The following RBFOX1 variants were observed in gnomAD, a reference collection of about 807,000 sequenced individuals.
RBFOX1 encodes RNA binding fox-1 homolog 1.
Under a neutral mutation model 57.7 loss-of-function variants are expected in RBFOX1, and 8 were observed. The observed-to-expected ratio is 0.14, with a 90% CI of 0.08 to 0.25. The LOEUF (loss-of-function observed/expected upper bound fraction) is 0.25, where lower values mean the gene tolerates loss of function less well. Among genes scored for constraint, RBFOX1 ranks in the 10% least tolerant of loss-of-function variants. The pLI is 1.00. For synonymous variants in RBFOX1, 326 were observed against 222.4 expected, an observed-to-expected ratio of 1.47 and a Z score of -4.15; for missense variants, 611 against 548.5, an observed-to-expected ratio of 1.11 and a Z score of -1.14.
intron 1 of RBFOX1, among the ~76,000 whole-genome samples, chr16:6,255,498 A>AT (rs2097655132): frequency 6.6e-6 from 1 of 152,094 alleles, no homozygotes. Context: ...ATGCATGGTG[A>AT]TTTTGACTAT....
In RBFOX1 at chr16:6,863,670, TAAAA is replaced by T. The variant is rs71408411; in HGVS notation, c.-15-188377_-15-188374del. On this transcript the variant is annotated intron_variant, in intron 3 of 15. Coordinates refer to ENST00000550418, the MANE Select transcript of RBFOX1 (RefSeq NM_018723.4). ...CCAAGGTTCTGTTTTTTTTTTTCCTTAAAAAAAAAAAAAGAAAAAAAGAAATGAC... is the reference window on the plus strand; with the variant it reads ...CCAAGGTTCTGTTTTTTTTTTTCCTTAAAAAAAAAGAAAAAAAGAAATGAC... 1.7e-4 allele frequency among the ~76,000 whole-genome samples: 18 copies of T among 105,560 alleles called. No individual in the cohort carries two copies. In the South Asian group the frequency reaches 6.7e-3, roughly 39 times the overall value. The allele number at this position is 105,560 out of a possible 152,430, so 69.3% of individuals were successfully genotyped here.
intron 1 of RBFOX1, among the ~76,000 whole-genome samples, chr16:6,104,776 A>G (rs991029552): frequency 6.6e-6 from 1 of 152,230 alleles, no homozygotes; most frequent in Non-Finnish European, 1.5e-5. Context: ...AAGCTACACC[A>G]CATAGATGAA....
chr16:6,296,387 T>C (rs953178722), intron 1 of RBFOX1, among the ~76,000 whole-genome samples: 5 of 151,852 alleles, frequency 3.3e-5, no homozygotes, highest in Admixed American at 1.3e-4. Flanking sequence ...TTTCACCTCA[T>C]AGGTGGCTGT....
At chr16:7,135,343 T>C (rs766459365) in intron 4 of RBFOX1, among the ~76,000 whole-genome samples, 28 of 152,320 alleles carry the variant, frequency 1.8e-4, no homozygotes, top group Middle Eastern at 3.4e-3. Context: ...GTCAGCACTT[T>C]GCAGAAAGAA....
At chr16:5,534,641 G>A (rs576437907) in intron 2 of RBFOX1, among the ~76,000 whole-genome samples, 1 of 152,268 alleles carries the variant, frequency 6.6e-6, no homozygotes, top group African/African-American at 2.4e-5. Context: ...TTAGCATGCT[G>A]GCATCCGATT....
chr16:6,366,210 G>T (rs185365474), intron 2 of RBFOX1, among the ~76,000 whole-genome samples: 2 of 152,002 alleles, frequency 1.3e-5, no homozygotes, highest in East Asian at 3.9e-4. Context: ...TCTGGAAGAT[G>T]CATCTTGCTG....
chr16:5,400,651 A>G (rs2066689887), intron 1 of RBFOX1, among the ~76,000 whole-genome samples: 1 of 151,416 alleles, frequency 6.6e-6, no homozygotes, highest in South Asian at 2.1e-4. Flanking sequence ...TTCCCCTTCC[A>G]GTTGGGCATG....
At chr16:6,784,759 G>C (rs1000712435) in intron 3 of RBFOX1, among the ~76,000 whole-genome samples, 1 of 151,852 alleles carries the variant, frequency 6.6e-6, no homozygotes, top group Non-Finnish European at 1.5e-5. Flanking sequence ...TCCTGTGGTC[G>C]GGGGTTGTGG....
chr16:7,148,401 T>C (rs2075453583), intron 4 of RBFOX1, among the ~76,000 whole-genome samples: 1 of 152,216 alleles, frequency 6.6e-6, no homozygotes, highest in South Asian at 2.1e-4. Flanking sequence ...ACTCCCCTCT[T>C]TTGAATTTTC....
chr16:6,485,938 G>C (rs950917604), intron 2 of RBFOX1, among the ~76,000 whole-genome samples: 3 of 151,622 alleles, frequency 2.0e-5, no homozygotes, highest in Admixed American at 6.6e-5. Context: ...GGTAATTGAA[G>C]TACAACAAAA....
At chr16:7,109,628 T>TTTCCC (rs1401209078) in intron 4 of RBFOX1, among the ~76,000 whole-genome samples, 5 of 152,114 alleles carry the variant, frequency 3.3e-5, no homozygotes, top group Non-Finnish European at 7.3e-5. Flanking sequence ...GGGAAAGGGC[T>TTTCCC]CTAAGAGTAG....
At chr16:6,207,388 T>C (rs2097262480) in intron 1 of RBFOX1, among the ~76,000 whole-genome samples, 1 of 152,192 alleles carries the variant, frequency 6.6e-6, no homozygotes, top group South Asian at 2.1e-4. Flanking sequence ...CTCTGCATAA[T>C]TCAGAAGCTA....
intron 1 of RBFOX1, among the ~76,000 whole-genome samples, chr16:6,027,775 G>A (rs2095223617): frequency 6.6e-6 from 1 of 152,158 alleles, no homozygotes; most frequent in Admixed American, 6.5e-5. Context: ...GTCCCAGAAT[G>A]TGCTTCGTAT....
At chr16:7,208,205 C>G (rs2090389420) in intron 4 of RBFOX1, among the ~76,000 whole-genome samples, 1 of 152,142 alleles carries the variant, frequency 6.6e-6, no homozygotes. Context: ...AATTATGTCA[C>G]CATCTATAAT....
chr16:6,422,477 T>C (rs2093803191), intron 2 of RBFOX1, among the ~76,000 whole-genome samples: 1 of 152,040 alleles, frequency 6.6e-6, no homozygotes, highest in Non-Finnish European at 1.5e-5. Flanking sequence ...ATTAGTCCAT[T>C]CTCACACTGC....
chr16:5,254,940 G>T, intron 1 of RBFOX1, among the ~76,000 whole-genome samples: 2 of 152,278 alleles, frequency 1.3e-5, no homozygotes, highest in Middle Eastern at 6.8e-3. Flanking sequence ...CCACTGTTGG[G>T]GAAGTCTTGA....
At chr16:6,335,362 G>T (rs950181116) in intron 2 of RBFOX1, among the ~76,000 whole-genome samples, 2 of 152,206 alleles carry the variant, frequency 1.3e-5, no homozygotes, top group Non-Finnish European at 1.5e-5. Flanking sequence ...AAACAAATAC[G>T]TCCTCAGAGA....
intron 2 of RBFOX1, among the ~76,000 whole-genome samples, chr16:6,609,803 G>T (rs1230146082): frequency 6.6e-6 from 1 of 152,028 alleles, no homozygotes; most frequent in East Asian, 1.9e-4. Context: ...AGGTCAAAAG[G>T]TCAAGACCAT....
At chr16:7,034,827 C>CTTTTTTTTTTTCTTTTTTATT (rs2043824001) in intron 3 of RBFOX1, among the ~76,000 whole-genome samples, 1 of 54,114 alleles carries the variant, frequency 1.8e-5, no homozygotes, top group Non-Finnish European at 3.1e-5. Flanking sequence ...TATTGCATTA[C>CTTTTTTTTTTTCTTTTTTATT]TTTTTTTTTT....
Sources: gnomAD v4.1 joint callset for allele counts (sites outside exome capture counted in the v4.1 genomes callset) on GRCh38, gnomAD v4.1.1 for gene constraint, MANE v1.5 for transcripts, NCBI Gene and HGNC (gene_info 2026-07-23, HGNC 2026-07-21) for gene names.